Variants in AKT3 observed in about 807,000 individuals in gnomAD.
AKT3 encodes AKT serine/threonine kinase 3, also known as RAC-gamma serine/threonine-protein kinase.
A neutral mutation model predicts 65.3 loss-of-function variants in AKT3; 15 were observed. The observed-to-expected ratio is 0.23, with a 90% confidence interval of 0.15 to 0.35. AKT3 has a LOEUF of 0.35. Among genes scored for constraint, AKT3 ranks in the 10% least tolerant of loss-of-function variants. The pLI is 1.00. For synonymous variants in AKT3, 206 were observed against 183.8 expected (o/e 1.12, Z -0.98); for missense variants, 243 against 576.5 (o/e 0.42, Z 5.92).
At chr1:243,516,917 T>C (rs923796365) in intron 12 of AKT3, among the ~76,000 whole-genome samples, 10 of 152,340 alleles carry the variant, frequency 6.6e-5, no homozygotes, top group Non-Finnish European at 1.0e-4. Context: ...GCTAAGGTCA[T>C]TAATTTTACA....
chr1:243,759,784 G>T (rs1572293244), intron 2 of AKT3, among the ~76,000 whole-genome samples: 1 of 152,110 alleles, frequency 6.6e-6, no homozygotes, highest in African/African-American at 2.4e-5. Flanking sequence ...CAAGGCAGGA[G>T]AAATTAAAAT....
chr1:243,557,511 T>C (rs772693843), intron 10 of AKT3, among the ~76,000 whole-genome samples: 1 of 152,038 alleles, frequency 6.6e-6, no homozygotes, highest in Non-Finnish European at 1.5e-5. Flanking sequence ...CTTATAAACA[T>C]TGAGAGGCGT....
chr1:243,770,871 C>A (rs1294093469), intron 2 of AKT3, among the ~76,000 whole-genome samples: 1 of 151,972 alleles, frequency 6.6e-6, no homozygotes, highest in Admixed American at 6.6e-5. Context: ...ACTGTAGAAA[C>A]AGAGTCTGCC....
intron 2 of AKT3, among the ~76,000 whole-genome samples, chr1:243,832,736 C>A (rs1247794884): frequency 6.6e-6 from 1 of 151,980 alleles, no homozygotes; most frequent in Admixed American, 6.6e-5. Flanking sequence ...TTCAGAGCTG[C>A]CAAAATAGCT....
chr1:243,674,095 C>T (rs1683340735), intron 3 of AKT3, among the ~76,000 whole-genome samples: 1 of 152,136 alleles, frequency 6.6e-6, no homozygotes, highest in Non-Finnish European at 1.5e-5. Context: ...AACAGAATGA[C>T]TAACATACTG....
At chr1:243,552,065 G>A (rs575743417) in intron 11 of AKT3, among the ~76,000 whole-genome samples, 40 of 152,066 alleles carry the variant, frequency 2.6e-4, no homozygotes, top group Middle Eastern at 6.8e-3. Flanking sequence ...CGAAGCAGGC[G>A]GATCACTTGA....
chr1:243,490,654 G>C (rs969119704), intron 13 of AKT3, among the ~76,000 whole-genome samples: 9 of 152,378 alleles, frequency 5.9e-5, no homozygotes, highest in Non-Finnish European at 8.8e-5. Context: ...GCTGAGTGCA[G>C]GCGGGATGCC....
chr1:243,775,152 C>T (rs1389936909), intron 2 of AKT3, among the ~76,000 whole-genome samples: 1 of 152,036 alleles, frequency 6.6e-6, no homozygotes, highest in Non-Finnish European at 1.5e-5. Flanking sequence ...CGTGAGCTAC[C>T]GCACCCGTCC....
chr1:243,498,828 G>C (rs1011344643), downstream of AKT3, among the ~76,000 whole-genome samples: 1 of 152,192 alleles, frequency 6.6e-6, no homozygotes, highest in African/African-American at 2.4e-5. Flanking sequence ...TTGGAAGATG[G>C]TTCCTAACTA....
chr1:243,637,911 G>C (rs1335392185), intron 5 of AKT3, among the ~76,000 whole-genome samples, 169 bp from the exon 6 acceptor site: 3 of 152,020 alleles, frequency 2.0e-5, no homozygotes, highest in Non-Finnish European at 4.4e-5. Context: ...TAGCAACCAT[G>C]GATGCTGAAA....
intron 2 of AKT3, among the ~76,000 whole-genome samples, chr1:243,842,372 G>A (rs935773900): frequency 1.3e-5 from 2 of 152,152 alleles, no homozygotes; most frequent in Non-Finnish European, 2.9e-5. Flanking sequence ...TGGGTAAACA[G>A]TAGTTGCCTA....
At chr1:243,814,452 AT>A (rs1414452399) in intron 2 of AKT3, 1 of 152,192 alleles carries the variant, frequency 6.6e-6, no homozygotes, top group Non-Finnish European at 1.5e-5. Context: ...TACATATAAA[AT>A]TTTGTAGTTC....
At chr1:243,563,900 A>G in intron 9 of AKT3, 52 bp from the exon 10 acceptor site, 1 of 1,531,972 alleles carries the variant, frequency 6.5e-7, no homozygotes, top group Non-Finnish European at 8.8e-7. Context: ...CAACAACATG[A>G]AAATACCATT....
chr1:243,494,530 C>A (rs967680870), intron 13 of AKT3, among the ~76,000 whole-genome samples: 2 of 152,164 alleles, frequency 1.3e-5, no homozygotes, highest in Admixed American at 6.5e-5. Context: ...CCCCAAACAC[C>A]TCCAACAGCA....
chr1:243,684,216 G>A (rs1186831793), intron 3 of AKT3, among the ~76,000 whole-genome samples: 1 of 151,876 alleles, frequency 6.6e-6, no homozygotes, highest in African/African-American at 2.4e-5. Context: ...GTGCAGGTTT[G>A]TTACATAGGT....
intron 2 of AKT3, among the ~76,000 whole-genome samples, chr1:243,704,845 T>C (rs988404886): frequency 6.6e-6 from 1 of 152,208 alleles, no homozygotes; most frequent in Non-Finnish European, 1.5e-5. Context: ...CTGCATAATA[T>C]TGATTAATAA....
rs181951788 is a variant in AKT3, at chr1:243,770,135, C to T, written c.46+72990G>A. Among the ~76,000 whole-genome samples the T allele has an allele frequency of 8.5e-5, 13 of 152,206 alleles. No homozygotes were observed. In the East Asian group the frequency reaches 1.7e-3, roughly 20 times the overall value. ...AGCCATATATGTATGGTTTAAATTCCGGATTCTCAATTATATTCCATTGAT... is the reference window on the plus strand; with the variant it reads ...AGCCATATATGTATGGTTTAAATTCTGGATTCTCAATTATATTCCATTGAT... On this transcript the variant is annotated intron_variant, in intron 2 of 13. Transcript: ENST00000673466.
At chr1:243,830,545 T>C (rs1379407979) in intron 2 of AKT3, among the ~76,000 whole-genome samples, 2 of 152,192 alleles carry the variant, frequency 1.3e-5, no homozygotes, top group Non-Finnish European at 2.9e-5. Context: ...ACTTGTTTTA[T>C]ATTGCTCAGG....
intron 12 of AKT3, among the ~76,000 whole-genome samples, chr1:243,541,441 G>C (rs937384586): frequency 2.0e-5 from 3 of 150,806 alleles, no homozygotes; most frequent in Non-Finnish European, 4.4e-5. Flanking sequence ...TTTTTTTAAG[G>C]CTCCCTCCTT....
Sources: gnomAD v4.1 joint callset for allele counts (sites outside exome capture counted in the v4.1 genomes callset) on GRCh38, gnomAD v4.1.1 for gene constraint, MANE v1.5 for transcripts, NCBI Gene and HGNC (gene_info 2026-07-23, HGNC 2026-07-21) for gene names.